Variants in IQCJ observed in about 807,000 individuals in gnomAD.
The protein encoded by IQCJ is IQ domain-containing protein J.
In IQCJ, 9 loss-of-function variants were observed where a neutral mutation model predicts 11.0. That is an observed-to-expected ratio of 0.82 (90% CI 0.49 to 1.43). IQCJ has a LOEUF of 1.43. IQCJ is among the 40% of genes most tolerant of loss of function. The pLI is 0.00. For missense variants in IQCJ, 146 were observed against 133.2 expected (o/e 1.10, Z -0.47); for synonymous variants, 55 against 51.3 (o/e 1.07, Z -0.31).
At chr3:159,214,940 G>A (rs1480280856) in intron 1 of IQCJ, among the ~76,000 whole-genome samples, 1 of 152,208 alleles carries the variant, frequency 6.6e-6, no homozygotes, top group Non-Finnish European at 1.5e-5. Context: ...ACCCTGATGG[G>A]AAGTCTGCTG....
intron 1 of IQCJ, among the ~76,000 whole-genome samples, chr3:159,150,667 A>G (rs1053728215): frequency 4.0e-5 from 6 of 151,886 alleles, no homozygotes; most frequent in African/African-American, 7.3e-5. Context: ...CTGCTTGTCC[A>G]TTTCTGTACC....
chr3:159,081,607 G>A (rs1716316527), intron 1 of IQCJ, among the ~76,000 whole-genome samples: 1 of 152,008 alleles, frequency 6.6e-6, no homozygotes, highest in Admixed American at 6.6e-5. Flanking sequence ...TTTTTTCAGT[G>A]TGGTTGACCA....
chr3:159,159,571 C>T (rs1312595060), intron 1 of IQCJ, among the ~76,000 whole-genome samples: 1 of 152,056 alleles, frequency 6.6e-6, no homozygotes, highest in Non-Finnish European at 1.5e-5. Context: ...AACTATATTC[C>T]ATTCTTATTA....
chr3:159,207,813 C>T (rs1724739664), intron 1 of IQCJ, among the ~76,000 whole-genome samples: 1 of 152,160 alleles, frequency 6.6e-6, no homozygotes, highest in Admixed American at 6.5e-5. Flanking sequence ...TAATAACGAA[C>T]TTTATCTCAA....
At chr3:159,215,772 C>A (rs1183099431) in intron 1 of IQCJ, among the ~76,000 whole-genome samples, 1 of 152,036 alleles carries the variant, frequency 6.6e-6, no homozygotes. Flanking sequence ...AACAGCTGGA[C>A]TCAGTTGAGA....
At chr3:159,109,544 A>AAC (rs1362682703) in intron 1 of IQCJ, among the ~76,000 whole-genome samples, 1 of 151,384 alleles carries the variant, frequency 6.6e-6, no homozygotes, top group East Asian at 1.9e-4. Context: ...AAAAAAAAAA[A>AAC]AACCAGTTGT....
intron 2 of IQCJ, among the ~76,000 whole-genome samples, chr3:159,247,511 C>T (rs1380661682): frequency 6.6e-6 from 1 of 152,106 alleles, no homozygotes; most frequent in Non-Finnish European, 1.5e-5. Context: ...TGTGATTGGA[C>T]AAAAAGGAAG....
chr3:159,241,416 AAAAAT>A (rs200258526), intron 1 of IQCJ, among the ~76,000 whole-genome samples: 1,587 of 152,130 alleles, frequency 0.01, 16 homozygotes, highest in African/African-American at 0.017. Context: ...CTCAAAAAAT[AAAAAT>A]AAAATAAAAT....
At chr3:159,113,487 G>A (rs1353581591) in intron 1 of IQCJ, among the ~76,000 whole-genome samples, 2 of 152,218 alleles carry the variant, frequency 1.3e-5, no homozygotes, top group African/African-American at 4.8e-5. Flanking sequence ...TCACAGAGAA[G>A]CAAATGAATA....
At position 159,152,184 on chromosome 3, in the gene IQCJ, T is replaced by C. The variant is rs559695284; in HGVS notation, c.9+82743T>C. Among the ~76,000 whole-genome samples the C allele has an allele frequency of 6.6e-5, 10 of 152,164 alleles. No homozygotes were observed. In the East Asian group the frequency reaches 1.9e-3, roughly 29 times the overall value. On this transcript the variant is annotated intron_variant, in intron 1 of 3. Coordinates refer to ENST00000397832, the MANE Select transcript of IQCJ (RefSeq NM_001042706.3). ...TGGGGGAAAATGGCCATCAAGTAGG[T>C]CCCCATGGTAGAAGCTAGTGAAGAA...
chr3:159,232,000 G>A (rs565461652), intron 1 of IQCJ, among the ~76,000 whole-genome samples: 14 of 152,134 alleles, frequency 9.2e-5, no homozygotes, highest in African/African-American at 3.4e-4. Flanking sequence ...TTTTTATTAT[G>A]TCTATTTGAT....
chr3:159,141,171 G>A (rs899010743), intron 1 of IQCJ, among the ~76,000 whole-genome samples: 1 of 152,124 alleles, frequency 6.6e-6, no homozygotes, highest in Admixed American at 6.5e-5. Context: ...TTGTATTGGA[G>A]AGTGCATTTA....
intron 1 of IQCJ, among the ~76,000 whole-genome samples, chr3:159,107,129 G>C (rs1271971966): frequency 6.6e-6 from 1 of 151,972 alleles, no homozygotes; most frequent in Non-Finnish European, 1.5e-5. Context: ...ACCTGCTGTG[G>C]TTTAAATTTT....
intron 1 of IQCJ, among the ~76,000 whole-genome samples, chr3:159,185,379 T>C (rs1723317869): frequency 6.6e-6 from 1 of 152,166 alleles, no homozygotes; most frequent in Non-Finnish European, 1.5e-5. Flanking sequence ...TTTTTCAGCA[T>C]TCTAGTCTCT....
At chr3:159,234,628 T>A (rs1382260125) in intron 1 of IQCJ, among the ~76,000 whole-genome samples, 2 of 152,138 alleles carry the variant, frequency 1.3e-5, no homozygotes, top group African/African-American at 4.8e-5. Flanking sequence ...ACCCTGTCTC[T>A]ACAATAATAA....
chr3:159,224,768 A>G (rs1040861256), intron 1 of IQCJ, among the ~76,000 whole-genome samples: 1 of 152,206 alleles, frequency 6.6e-6, no homozygotes, highest in Admixed American at 6.5e-5. Context: ...GGCAAACTCT[A>G]CAGGTCAACC....
chr3:159,250,288 A>G (rs527975611), intron 2 of IQCJ, among the ~76,000 whole-genome samples: 1 of 152,112 alleles, frequency 6.6e-6, no homozygotes, highest in African/African-American at 2.4e-5. Context: ...TGAAAGTTTT[A>G]TTTTCTTTAT....
downstream of IQCJ, chr3:159,265,708 C>G (rs1187681535): frequency 4.9e-6 from 1 of 202,962 alleles, no homozygotes; most frequent in Non-Finnish European, 1.0e-5. Flanking sequence ...TGTCTTGTCC[C>G]AAGTCCCTTC....
chr3:159,117,852 C>T (rs551511168), intron 1 of IQCJ, among the ~76,000 whole-genome samples: 16 of 152,210 alleles, frequency 1.1e-4, no homozygotes, highest in South Asian at 1.0e-3. Flanking sequence ...AGTTTTTACA[C>T]GTTTATAACT....
Sources: gnomAD v4.1 joint callset for allele counts (sites outside exome capture counted in the v4.1 genomes callset) on GRCh38, gnomAD v4.1.1 for gene constraint, MANE v1.5 for transcripts, NCBI Gene and HGNC (gene_info 2026-07-23, HGNC 2026-07-21) for gene names.